The following RBFOX1 variants were observed in gnomAD, a reference collection of about 807,000 sequenced individuals.
RBFOX1 encodes RNA binding fox-1 homolog 1.
Under a neutral mutation model 57.7 loss-of-function variants are expected in RBFOX1, and 8 were observed. The observed-to-expected ratio is 0.14, with a 90% CI of 0.08 to 0.25. The LOEUF (loss-of-function observed/expected upper bound fraction) is 0.25. Ranked by LOEUF, RBFOX1 falls within the 10% of genes least tolerant of loss-of-function variation. The probability of loss-of-function intolerance (pLI) is 1.00; values close to 1 mark genes in which losing one functional copy is unlikely to be tolerated. For missense variants in RBFOX1, 611 were observed against 548.5 expected (o/e 1.11, Z -1.14); for synonymous variants, 326 against 222.4 (o/e 1.47, Z -4.15).
intron 3 of RBFOX1, among the ~76,000 whole-genome samples, chr16:6,878,463 C>G (rs1335614827): frequency 1.3e-5 from 2 of 152,180 alleles, no homozygotes; most frequent in African/African-American, 4.8e-5. Context: ...CACCCTGTCT[C>G]TTACCACCAA....
intron 4 of RBFOX1, among the ~76,000 whole-genome samples, chr16:7,281,599 A>C (rs2095544998): frequency 6.6e-6 from 1 of 152,124 alleles, no homozygotes; most frequent in African/African-American, 2.4e-5. Context: ...GTTGGAAGTC[A>C]GAGAAAATAC....
At chr16:6,853,146 A>C (rs2094160156) in intron 3 of RBFOX1, among the ~76,000 whole-genome samples, 1 of 152,204 alleles carries the variant, frequency 6.6e-6, no homozygotes, top group Admixed American at 6.5e-5. Flanking sequence ...AAAGCTGCTT[A>C]ACTTCTCTGA....
At chr16:6,366,762 C>G (rs2089688389) in intron 2 of RBFOX1, among the ~76,000 whole-genome samples, 1 of 152,152 alleles carries the variant, frequency 6.6e-6, no homozygotes, top group Non-Finnish European at 1.5e-5. Flanking sequence ...ATGACATGCT[C>G]CAGGTTGCAG....
In RBFOX1 at chr16:7,416,660, G is replaced by C. The variant is rs150794107; in HGVS notation, c.28-101487G>C. 6.6e-3 allele frequency among the ~76,000 whole-genome samples: 1,002 copies of C among 152,272 alleles called. 14 individuals are homozygous for C. Among genetic ancestry groups the C allele is most frequent in the African/African-American group, 0.023 (958 of 41,550 alleles). ...AGTCATTGAAAACCAGAGGACCCCA[G>C]TGGCAATGGATACCCATTTAATCTC... On this transcript the variant is annotated intron_variant, in intron 4 of 15. Transcript: ENST00000550418.
rs137911930 is a variant in RBFOX1 at position 6,617,815 on chromosome 16, G to A, written c.-63-36788G>A. On this transcript the variant is annotated intron_variant, in intron 2 of 15. Transcript: ENST00000550418. ...AGTACAGCAATTTTCTTTTATTTAG[G>A]AAGATTAGAGAATTCCTCCTTGAGG... Among the ~76,000 whole-genome samples, 648 of 152,260 alleles carry A rather than the reference G, an allele frequency of 4.3e-3. 6 individuals carry two copies. The highest frequency in any genetic ancestry group is 0.017 in the Middle Eastern group (5 of 294).
chr16:6,500,390 G>T (rs193213082), intron 2 of RBFOX1, among the ~76,000 whole-genome samples: 1 of 152,076 alleles, frequency 6.6e-6, no homozygotes, highest in Non-Finnish European at 1.5e-5. Flanking sequence ...TCTCACTAGA[G>T]GATATTCACT....
At chr16:5,258,270 A>G (rs745892798) in intron 1 of RBFOX1, among the ~76,000 whole-genome samples, 17 of 152,190 alleles carry the variant, frequency 1.1e-4, no homozygotes, top group Non-Finnish European at 1.9e-4. Context: ...TACCCATCAC[A>G]TAAGTATAAA....
intron 4 of RBFOX1, among the ~76,000 whole-genome samples, chr16:7,187,887 C>T (rs1229785956): frequency 2.6e-5 from 4 of 151,880 alleles, no homozygotes; most frequent in African/African-American, 4.8e-5. Flanking sequence ...AAATGTTCAC[C>T]ATGTATTGTC....
rs1422871129 is a variant in RBFOX1, at chr16:7,304,791, ATCTGAG to A, written c.28-213352_28-213347del. ...CCTTGTGTCAGTGCCTTTCGTGGTG[ATCTGAG>A]TCTAAGACCCCTTTGATGCTAAGAG... On this transcript the variant is annotated intron_variant, in intron 4 of 15. Coordinates refer to ENST00000550418, the MANE Select transcript of RBFOX1 (RefSeq NM_018723.4). 5.3e-5 allele frequency among the ~76,000 whole-genome samples: 8 copies of A among 152,144 alleles called. No homozygotes were observed. The East Asian group carries it at 5.8e-4, about 11-fold the overall frequency.
chr16:6,071,273 A>G (rs2095834171), intron 1 of RBFOX1, among the ~76,000 whole-genome samples: 1 of 152,178 alleles, frequency 6.6e-6, no homozygotes, highest in Admixed American at 6.5e-5. Context: ...CTGAGCTGAG[A>G]TTGCACCATT....
chr16:6,857,774 C>G (rs912818172), intron 3 of RBFOX1, among the ~76,000 whole-genome samples: 2 of 152,126 alleles, frequency 1.3e-5, no homozygotes, highest in African/African-American at 4.8e-5. Flanking sequence ...TTTGTTCTGT[C>G]AGCACTTTCT....
intron 3 of RBFOX1, among the ~76,000 whole-genome samples, chr16:5,619,664 G>C (rs1208574544): frequency 6.6e-6 from 1 of 152,180 alleles, no homozygotes; most frequent in Non-Finnish European, 1.5e-5. Context: ...AGGGGGGCCT[G>C]CATCTCTGCC....
chr16:7,362,549 T>C (rs1399729044), intron 4 of RBFOX1, among the ~76,000 whole-genome samples: 1 of 152,112 alleles, frequency 6.6e-6, no homozygotes, highest in Non-Finnish European at 1.5e-5. Context: ...TAGATGTTAG[T>C]GTGTGGATGT....
intron 1 of RBFOX1, among the ~76,000 whole-genome samples, chr16:5,444,508 C>G (rs995539282): frequency 1.9e-4 from 29 of 152,308 alleles, no homozygotes; most frequent in Admixed American, 1.2e-3. Flanking sequence ...GACGTCAGCT[C>G]TGCGGAACTG....
intron 4 of RBFOX1, among the ~76,000 whole-genome samples, chr16:7,447,322 A>G (rs917208207): frequency 6.0e-5 from 9 of 151,134 alleles, no homozygotes; most frequent in African/African-American, 2.2e-4. Flanking sequence ...TATCCTAGCT[A>G]CTTGGGAGGC....
At chr16:6,639,267 G>A (rs2098467820) in intron 2 of RBFOX1, among the ~76,000 whole-genome samples, 1 of 152,160 alleles carries the variant, frequency 6.6e-6, no homozygotes, top group Non-Finnish European at 1.5e-5. Flanking sequence ...ATGTCTTTCT[G>A]TCTATCTGAT....
intron 3 of RBFOX1, among the ~76,000 whole-genome samples, chr16:6,661,966 A>T (rs2098704179): frequency 1.3e-5 from 2 of 152,198 alleles, no homozygotes; most frequent in Admixed American, 1.3e-4. Flanking sequence ...ACGAAGGGAA[A>T]TCCTGCCATG....
intron 4 of RBFOX1, among the ~76,000 whole-genome samples, chr16:7,166,419 T>C (rs919533232): frequency 1.1e-4 from 16 of 151,752 alleles, no homozygotes; most frequent in African/African-American, 3.9e-4. Context: ...TAGAAAACTA[T>C]AGAGGAGTCC....
At chr16:6,072,438 C>A (rs1444319536) in intron 1 of RBFOX1, among the ~76,000 whole-genome samples, 1 of 152,166 alleles carries the variant, frequency 6.6e-6, no homozygotes, top group Non-Finnish European at 1.5e-5. Flanking sequence ...TCTTTGCTAT[C>A]ATGACTTCAT....
Sources: gnomAD v4.1 joint callset for allele counts (sites outside exome capture counted in the v4.1 genomes callset) on GRCh38, gnomAD v4.1.1 for gene constraint, MANE v1.5 for transcripts, NCBI Gene and HGNC (gene_info 2026-07-23, HGNC 2026-07-21) for gene names.